Variants in ESYT3 observed in about 807,000 individuals in gnomAD.
ESYT3 encodes extended synaptotagmin 3, also known as extended synaptotagmin-3.
ESYT3 carries 101 observed loss-of-function variants against 111.5 expected under a neutral mutation model. The ratio of observed to expected loss-of-function variants is 0.91; its 90% confidence interval spans 0.77 to 1.07. ESYT3 has a LOEUF of 1.07. Among genes scored for constraint, ESYT3 ranks in the 50% least tolerant of loss-of-function variants. The pLI, the probability that ESYT3 is intolerant of heterozygous loss-of-function variation, is 0.00. For missense variants in ESYT3, 1,097 were observed against 1,109.4 expected (o/e 0.99, Z 0.16); for synonymous variants, 416 against 446.8 (o/e 0.93, Z 0.87).
At chr3:138,468,286 C>A in intron 12 of ESYT3, 92 bp downstream of exon 12, 1 of 1,202,894 alleles carries the variant, frequency 8.3e-7, no homozygotes, top group Non-Finnish European at 1.2e-6. Flanking sequence ...GGAGATGATG[C>A]CCCCTTCTTG....
At chr3:138,438,518 A>G (rs1330641108) in intron 1 of ESYT3, among the ~76,000 whole-genome samples, 2 of 152,278 alleles carry the variant, frequency 1.3e-5, no homozygotes, top group Non-Finnish European at 2.9e-5. Context: ...CGGGGATGCC[A>G]TCCTTCCCCA....
rs149012011 is a variant in ESYT3 at position 138,473,359 on chromosome 3, A to G, written c.2238-177A>G. The G allele has an allele frequency of 1.1e-4, 72 of 638,934 alleles. 1 individual carries two copies. In the Middle Eastern group the frequency reaches 2.2e-3, roughly 20 times the overall value. The allele number at this position is 638,934 out of a possible 1,614,324, so 39.6% of individuals were successfully genotyped here. ...CCCGTTCTTCCTACTATGAAGTAGG[A>G]TAATTATACATGAATGCTGGATGGA... On this transcript the variant is annotated intron_variant, in intron 18 of 22. Transcript: ENST00000389567.
At chr3:138,444,770 G>A (rs1017286587) in intron 1 of ESYT3, among the ~76,000 whole-genome samples, 2 of 152,188 alleles carry the variant, frequency 1.3e-5, no homozygotes, top group Non-Finnish European at 2.9e-5. Context: ...GCCTCCCCTT[G>A]CTCTTTGTGG....
intron 1 of ESYT3, among the ~76,000 whole-genome samples, chr3:138,444,988 C>T (rs938731309): frequency 6.6e-6 from 1 of 152,178 alleles, no homozygotes; most frequent in African/African-American, 2.4e-5. Context: ...TTCTTCCACA[C>T]CCTCTGCTAA....
rs2033576669 is a variant in ESYT3, at chr3:138,478,265, A to G, written c.*1411A>G. The stretch of plus-strand genomic sequence containing the variant: ...TTTGTTTATTCTCCAGTTGAACAGT[A>G]GGGAACAATTCAAGCTACTTGAATT... On this transcript the variant is annotated 3_prime_UTR_variant, in exon 23 of 23. Coordinates refer to ENST00000389567, the MANE Select transcript of ESYT3 (RefSeq NM_031913.5). 6.6e-6 allele frequency: 1 copy of G among 152,222 alleles called. No homozygotes were observed. Among genetic ancestry groups the G allele is most frequent in the Admixed American group, 6.5e-5 (1 of 15,288 alleles). The allele number at this position is 152,222 out of a possible 1,614,324, so 9.4% of individuals were successfully genotyped here. A position where few individuals can be genotyped will look rare whatever the true frequency, so the allele number is the denominator to read the frequency against.
chr3:138,470,524 G>A (rs2033165101), intron 16 of ESYT3: 2 of 1,135,636 alleles, frequency 1.8e-6, no homozygotes, highest in Admixed American at 4.3e-5. Context: ...CAAAAACAAT[G>A]TCTTGTCCAA....
Position 138,476,853 on chromosome 3 carries a change from G to A in ESYT3, c.2660G>A (p.Ter887=), listed in dbSNP as rs2033509050. ...ACTCCAAATGGACAGCCCAGAAGCT[G>A]ATGATGAGAATTCTTATCACTCACC... The part of the protein sequence containing the change: ...ELTPNGQPRS[*] The change falls in exon 23 of 23, where the codon TGA becomes TAA. Residue 887 remains the stop codon, a stop_retained_variant. Transcript: ENST00000389567. 3 of 1,613,646 alleles carry A rather than the reference G, an allele frequency of 1.9e-6. No individual in the cohort carries two copies. The highest frequency in any genetic ancestry group is 2.5e-6 in the Non-Finnish European group (3 of 1,179,684).
rs1472534665 is a variant in ESYT3 at position 138,470,996 on chromosome 3, C to T, written c.1710C>T (p.Asp570=). 6.2e-7 allele frequency: 1 copy of T among 1,614,008 alleles called. No individual in the cohort carries two copies. Among genetic ancestry groups the T allele is most frequent in the African/African-American group, 1.3e-5 (1 of 74,928 alleles). The change falls in exon 17 of 23, where the codon GAC becomes GAT. Residue 570 remains aspartate (D), a synonymous_variant. Coordinates refer to ENST00000389567, the MANE Select transcript of ESYT3 (RefSeq NM_031913.5). ...QRFQLDHSGL[D]SLISMRLVLR... is the part of the protein sequence containing the mutation. ...TTCAGCTGGACCACTCAGGCCTGGA[C>T]AGCCTCATCTCCATGAGGCTGGTGC...
chr3:138,469,114 T>C, intron 14 of ESYT3: 1 of 606,720 alleles, frequency 1.6e-6, no homozygotes. Context: ...TTTATTACCA[T>C]TTTCTGGGTC....
downstream of ESYT3, chr3:138,480,467 A>G (rs1374101363): frequency 2.0e-5 from 3 of 152,246 alleles, no homozygotes; most frequent in Non-Finnish European, 2.9e-5. Context: ...TGATATGATC[A>G]TGAGCATGAA....
At chr3:138,445,495 C>T (rs933018319) in intron 1 of ESYT3, among the ~76,000 whole-genome samples, 5 of 152,202 alleles carry the variant, frequency 3.3e-5, no homozygotes, top group South Asian at 4.1e-4. Flanking sequence ...AAACACCAAC[C>T]GTGTTCCTCT....
rs1285546213 is a variant in ESYT3, at chr3:138,435,347, G to A, written c.327+222G>A. On this transcript the variant is annotated intron_variant, in intron 1 of 22. Coordinates refer to ENST00000389567, the MANE Select transcript of ESYT3 (RefSeq NM_031913.5). This position sits in a 1 kb window ranked among gnomAD's most constrained non-coding sequence, Gnocchi z 4.8. The stretch of plus-strand genomic sequence containing the variant: ...TCACGTCCACCTCTGGTCCGACTGC[G>A]GTGGGAGTGGGGAACTTGGGTTTCA... Among the ~76,000 whole-genome samples, 1 of 152,230 alleles carries A rather than the reference G, an allele frequency of 6.6e-6. No homozygotes were observed. Among genetic ancestry groups the A allele is most frequent in the African/African-American group, 2.4e-5 (1 of 41,454 alleles).
intron 20 of ESYT3, 101 bp downstream of exon 20, chr3:138,474,453 A>G: frequency 5.2e-6 from 7 of 1,335,504 alleles, no homozygotes; most frequent in Non-Finnish European, 7.1e-6. Context: ...GGAAGGGGCT[A>G]TGGCTGAACA....
intron 2 of ESYT3, among the ~76,000 whole-genome samples, chr3:138,454,745 G>A (rs1022792512): frequency 6.6e-6 from 1 of 152,126 alleles, no homozygotes; most frequent in Non-Finnish European, 1.5e-5. Flanking sequence ...TCGGGCAAAG[G>A]CTGCCTTTTC....
Position 138,468,713 on chromosome 3 carries a change from T to C in ESYT3, c.1367T>C (p.Leu456Ser), listed in dbSNP as rs1414832368. 1 of 1,614,028 alleles carries C rather than the reference T, an allele frequency of 6.2e-7. No homozygotes were observed. Among genetic ancestry groups the C allele is most frequent in the Non-Finnish European group, 8.5e-7 (1 of 1,180,038 alleles). Residue 456 changes from leucine (L) to serine (S), a missense_variant, in exon 13 of 23, where the codon TTG becomes TCG. Physicochemically the swap from Leu to Ser is moderately radical, Grantham distance 145. Transcript: ENST00000389567. ...GTCTTCTTGGAGAGTGCCTGCAACT[T>C]GCCGGTGAGTGGCGACATGTCCAGA... ...LVVFLESACN[L>S]PRNPFDYLNG...
chr3:138,450,193 C>T (rs563021528), intron 1 of ESYT3, among the ~76,000 whole-genome samples: 10 of 152,174 alleles, frequency 6.6e-5, no homozygotes, highest in African/African-American at 1.2e-4. Context: ...TGAAAGGGAC[C>T]GGTGGGAGTG....
chr3:138,465,315 C>A, intron 9 of ESYT3, 24 bp from the exon 10 acceptor site: 3 of 1,553,242 alleles, frequency 1.9e-6, no homozygotes, highest in South Asian at 2.4e-5. Flanking sequence ...GCCTGCAGGT[C>A]AAGACACCTC....
chr3:138,481,025 A>G (rs960355069), downstream of ESYT3: 5 of 152,248 alleles, frequency 3.3e-5, no homozygotes, highest in Non-Finnish European at 5.9e-5. Flanking sequence ...ACAATTGGAT[A>G]TTCATGTGAG....
intron 20 of ESYT3, among the ~76,000 whole-genome samples, chr3:138,474,875 C>T (rs535029305): frequency 2.0e-5 from 3 of 152,272 alleles, no homozygotes; most frequent in African/African-American, 4.8e-5. Flanking sequence ...TTTTGATGGG[C>T]CAGTGGTGGC....
Sources: allele counts gnomAD v4.1 joint callset (sites outside exome capture counted in the v4.1 genomes callset), GRCh38; gene constraint gnomAD v4.1.1; non-coding constraint Gnocchi (gnomAD v3.1); transcripts MANE v1.5; gene names NCBI Gene and HGNC (gene_info 2026-07-23, HGNC 2026-07-21).